RGS17: variants seen among roughly 807,000 people sequenced by gnomAD.
RGS17 encodes regulator of G-protein signaling 17.
RGS17 carries 12 observed loss-of-function variants against 25.5 expected under a neutral mutation model. The observed-to-expected ratio is 0.47, with a 90% confidence interval of 0.30 to 0.76. The LOEUF (loss-of-function observed/expected upper bound fraction) is 0.76, where lower values mean the gene tolerates loss of function less well. Among genes scored for constraint, RGS17 ranks in the 30% least tolerant of loss-of-function variants. The pLI is 0.07. For missense variants in RGS17, 196 were observed against 242.2 expected, an observed-to-expected ratio of 0.81 and a Z score of 1.27; for synonymous variants, 71 against 76.9, an observed-to-expected ratio of 0.92 and a Z score of 0.40.
intron 1 of RGS17, among the ~76,000 whole-genome samples, chr6:153,061,190 A>C (rs1418147691): frequency 1.3e-5 from 2 of 152,228 alleles, no homozygotes; most frequent in African/African-American, 4.8e-5. Flanking sequence ...GAACAGCAGC[A>C]TTAGCTTGGG....
intron 1 of RGS17, among the ~76,000 whole-genome samples, chr6:153,049,774 A>ATAAATAAG (rs1167573020): frequency 6.6e-6 from 1 of 151,996 alleles, no homozygotes; most frequent in Admixed American, 6.6e-5. Flanking sequence ...AAATAAATAA[A>ATAAATAAG]TAAATTCAAT....
chr6:153,013,192 T>G (rs1220281695), intron 4 of RGS17, among the ~76,000 whole-genome samples: 1 of 152,254 alleles, frequency 6.6e-6, no homozygotes, highest in African/African-American at 2.4e-5. Context: ...GTGTCACATT[T>G]TGGTAGTTCC....
intron 1 of RGS17, among the ~76,000 whole-genome samples, chr6:153,119,545 T>C (rs1238554013): frequency 6.6e-6 from 1 of 152,026 alleles, no homozygotes; most frequent in East Asian, 1.9e-4. Context: ...CAAAAAAAAT[T>C]AGCTGGCTGT....
chr6:153,060,280 A>T (rs1198727950), intron 1 of RGS17, among the ~76,000 whole-genome samples: 2 of 152,164 alleles, frequency 1.3e-5, no homozygotes, highest in Non-Finnish European at 2.9e-5. Flanking sequence ...CACACATAGT[A>T]CTGTGCACCT....
intron 1 of RGS17, among the ~76,000 whole-genome samples, chr6:153,070,895 A>G (rs751830617): frequency 6.7e-6 from 1 of 150,004 alleles, no homozygotes; most frequent in Non-Finnish European, 1.5e-5. Context: ...ATATGTACAT[A>G]TGCGTATATG....
In RGS17 at chr6:153,044,040, T is replaced by C. The variant is rs370944891; in HGVS notation, c.-22A>G. On this transcript the variant is annotated 5_prime_UTR_variant, in exon 2 of 5. Coordinates refer to ENST00000206262, the MANE Select transcript of RGS17 (RefSeq NM_012419.5). ...GCATTTCAGCTACTTCAGGACCCAG[T>C]TGGCTGAAAGAGATAAAACAAAAAA... 2.6e-5 allele frequency: 39 copies of C among 1,520,614 alleles called. No individual in the cohort carries two copies. In the African/African-American group the frequency reaches 4.2e-4, roughly 16 times the overall value. 94.2% of individuals were successfully genotyped at this position (1,520,614 alleles called of 1,614,324 possible).
chr6:153,078,983 T>C (rs1194851579), intron 1 of RGS17, among the ~76,000 whole-genome samples: 4 of 152,126 alleles, frequency 2.6e-5, no homozygotes, highest in African/African-American at 4.8e-5. Context: ...CTTCTATAAA[T>C]AAAGGCAGCT....
rs937108287 is a variant in RGS17 at position 153,010,014 on chromosome 6, T to A, written c.*1560A>T. On this transcript the variant is annotated 3_prime_UTR_variant, in exon 5 of 5. Transcript: ENST00000206262. ...CCCAAACTTGTTTTTTTAAAAAATA[T>A]GTTTAATAAATTAAAAAATGAGAGG... The A allele has an allele frequency of 1.3e-5, 2 of 151,838 alleles. No homozygotes were observed. Among genetic ancestry groups the A allele is most frequent in the East Asian group, 3.8e-4 (2 of 5,196 alleles). 9.4% of individuals were successfully genotyped at this position (151,838 alleles called of 1,614,324 possible). A position where few individuals can be genotyped will look rare whatever the true frequency, so the allele number is the denominator to read the frequency against.
intron 2 of RGS17, among the ~76,000 whole-genome samples, chr6:153,034,542 A>T (rs1376474473): frequency 1.3e-5 from 2 of 152,178 alleles, no homozygotes; most frequent in African/African-American, 4.8e-5. Flanking sequence ...TTACGCAGGG[A>T]TTTGTGTACA....
chr6:153,036,438 A>G (rs1450888557), intron 2 of RGS17, among the ~76,000 whole-genome samples: 2 of 151,978 alleles, frequency 1.3e-5, no homozygotes, highest in Non-Finnish European at 2.9e-5. Context: ...TGTTCTTTAA[A>G]TGTGGTGTGT....
At chr6:153,085,697 G>T (rs989846101) in intron 1 of RGS17, among the ~76,000 whole-genome samples, 1 of 152,124 alleles carries the variant, frequency 6.6e-6, no homozygotes, top group African/African-American at 2.4e-5. Flanking sequence ...TCTCCGTAAC[G>T]ATGAATGGCA....
chr6:153,071,088 T>C (rs192731708), intron 1 of RGS17, among the ~76,000 whole-genome samples: 12 of 150,038 alleles, frequency 8.0e-5, no homozygotes, highest in Non-Finnish European at 1.6e-4. Context: ...TGTACACATG[T>C]ATATATACAC....
At chr6:153,111,553 GA>G (rs1434321580) in intron 1 of RGS17, among the ~76,000 whole-genome samples, 2 of 152,226 alleles carry the variant, frequency 1.3e-5, no homozygotes, top group Non-Finnish European at 2.9e-5. Flanking sequence ...CAGCTCTGAA[GA>G]GAGCAGCAGA....
At chr6:153,061,799 A>C (rs913405760) in intron 1 of RGS17, among the ~76,000 whole-genome samples, 2 of 152,164 alleles carry the variant, frequency 1.3e-5, no homozygotes, top group African/African-American at 4.8e-5. Context: ...CAACTAAAAC[A>C]ATGTAGGTTA....
At chr6:153,121,466 C>T (rs945715173) in intron 1 of RGS17, among the ~76,000 whole-genome samples, 4 of 152,194 alleles carry the variant, frequency 2.6e-5, no homozygotes, top group African/African-American at 9.7e-5. Flanking sequence ...TGAGTAACTA[C>T]ATTCAGTGAT....
At chr6:153,087,296 A>G (rs934191820) in intron 1 of RGS17, among the ~76,000 whole-genome samples, 1 of 152,204 alleles carries the variant, frequency 6.6e-6, no homozygotes, top group African/African-American at 2.4e-5. Flanking sequence ...ACAAACAAAC[A>G]GCTAAAAATG....
At chr6:153,024,582 T>G in intron 3 of RGS17, 86 bp from the exon 4 acceptor site, 2 of 983,530 alleles carry the variant, frequency 2.0e-6, no homozygotes, top group South Asian at 2.9e-5. Context: ...CAGATAGAAA[T>G]TCTATCAATT....
At chr6:153,078,927 T>C (rs551221151) in intron 1 of RGS17, among the ~76,000 whole-genome samples, 169 of 110,908 alleles carry the variant, frequency 1.5e-3, no homozygotes, top group African/African-American at 4.9e-3. Context: ...TTAACTCTAG[T>C]AGTTAAGAAA....
At chr6:153,055,499 G>A (rs1776541191) in intron 1 of RGS17, among the ~76,000 whole-genome samples, 1 of 152,108 alleles carries the variant, frequency 6.6e-6, no homozygotes, top group African/African-American at 2.4e-5. Flanking sequence ...AGAAGAACAA[G>A]GCAGGAGAAA....
Sources: gnomAD v4.1 joint callset for allele counts (sites outside exome capture counted in the v4.1 genomes callset) on GRCh38, gnomAD v4.1.1 for gene constraint, MANE v1.5 for transcripts, NCBI Gene and HGNC (gene_info 2026-07-23, HGNC 2026-07-21) for gene names.